The following CEP250 variants were observed in gnomAD, a reference collection of about 807,000 sequenced individuals.
CEP250 encodes the protein centrosome-associated protein CEP250.
A neutral mutation model predicts 315.7 loss-of-function variants in CEP250; 242 were observed. That is an observed-to-expected ratio of 0.77 (90% CI 0.69 to 0.85). The LOEUF (loss-of-function observed/expected upper bound fraction) is 0.85. Ranked by LOEUF, CEP250 falls within the 40% of genes least tolerant of loss-of-function variation. The pLI, the probability that CEP250 is intolerant of heterozygous loss-of-function variation, is 0.00. For missense variants in CEP250, 2,515 were observed against 2,886.4 expected (o/e 0.87, Z 2.95); for synonymous variants, 1,088 against 1,175.0 (o/e 0.93, Z 1.51).
Position 35,510,373 on chromosome 20 carries a change from C to A in CEP250, c.7065+319C>A, listed in dbSNP as rs556169216. On this transcript the variant is annotated intron_variant, in intron 34 of 34. Coordinates refer to ENST00000397527, the MANE Select transcript of CEP250 (RefSeq NM_007186.6). ...CTGGCCTCCCTGCCCTCAGAGGTGCCCTCGCAGCCAAGACTGTTGCCAGTG... is the reference window on the plus strand; with the variant it reads ...CTGGCCTCCCTGCCCTCAGAGGTGCACTCGCAGCCAAGACTGTTGCCAGTG... Among the ~76,000 whole-genome samples the A allele has an allele frequency of 6.6e-5, 10 of 152,288 alleles. No individual in the cohort carries two copies. In the East Asian group the frequency reaches 1.9e-3, roughly 29 times the overall value.
chr20:35,485,625 G>T lies in CEP250; in HGVS notation c.2587-5012G>T, dbSNP rs376218046. Among the ~76,000 whole-genome samples, 141 of 134,596 alleles carry T rather than the reference G, an allele frequency of 1.0e-3. 2 individuals carry two copies. In the South Asian group the frequency reaches 0.035, roughly 33 times the overall value. The allele number at this position is 134,596 out of a possible 152,430, so 88.3% of individuals were successfully genotyped here. A position where few individuals can be genotyped will look rare whatever the true frequency, so the allele number is the denominator to read the frequency against. ...CCTGCCTCAGCCTCCTAAGTAGCTAGGACTACAGCGTCTGCCTGGCTTTTT... is the reference window on the plus strand; with the variant it reads ...CCTGCCTCAGCCTCCTAAGTAGCTATGACTACAGCGTCTGCCTGGCTTTTT... On this transcript the variant is annotated intron_variant, in intron 20 of 34. Coordinates refer to ENST00000397527, the MANE Select transcript of CEP250 (RefSeq NM_007186.6).
At chr20:35,490,973 C>G (rs565930656) in intron 21 of CEP250, 169 bp downstream of exon 21, 3 of 825,042 alleles carry the variant, frequency 3.6e-6, no homozygotes, top group African/African-American at 1.7e-5. Context: ...AGCCACAGTT[C>G]CGGCAGTATG....
At chr20:35,478,920 C>T (rs899688329) in intron 17 of CEP250, among the ~76,000 whole-genome samples, 2 of 152,134 alleles carry the variant, frequency 1.3e-5, no homozygotes, top group Non-Finnish European at 2.9e-5. Context: ...TCACAGAGTC[C>T]CTTTCTCGGG....
rs375669322 is a variant in CEP250, at chr20:35,508,198, C to A, written c.6906+8C>A. 4 of 1,613,482 alleles carry A rather than the reference C, an allele frequency of 2.5e-6. No individual in the cohort carries two copies. In the Admixed American group the frequency reaches 6.7e-5, roughly 27 times the overall value. On this transcript the variant is annotated splice_region_variant and intron_variant, in intron 32 of 34. Coordinates refer to ENST00000397527, the MANE Select transcript of CEP250 (RefSeq NM_007186.6). Reference sequence around the variant, plus strand: ...CGGAGTACCTTGGAGCAGGTGACCCCTCTTCTTGTCCAGTGGGCATGCATC... The same window carrying A: ...CGGAGTACCTTGGAGCAGGTGACCCATCTTCTTGTCCAGTGGGCATGCATC...
At chr20:35,502,019 G>A in intron 29 of CEP250, 53 bp downstream of exon 29, 2 of 1,570,702 alleles carry the variant, frequency 1.3e-6, no homozygotes, top group Admixed American at 1.8e-5. Flanking sequence ...AGTCCCTTGG[G>A]CCCACCTTGG....
At chr20:35,493,771 CTCTT>C (rs1490534360) in intron 23 of CEP250, among the ~76,000 whole-genome samples, 199 bp downstream of exon 23, 1 of 152,172 alleles carries the variant, frequency 6.6e-6, no homozygotes, top group Non-Finnish European at 1.5e-5. Context: ...GGATAGTAAT[CTCTT>C]TCTCTGTAAT....
chr20:35,493,701 CAGTACTG>C (rs1431100981), intron 23 of CEP250, 129 bp downstream of exon 23: 1 of 755,034 alleles, frequency 1.3e-6, no homozygotes, highest in Non-Finnish European at 2.0e-6. Flanking sequence ...GGGTGGGCCA[CAGTACTG>C]AGTGGAAAAT....
intron 10 of CEP250, among the ~76,000 whole-genome samples, chr20:35,470,560 A>G (rs952743339): frequency 2.0e-5 from 3 of 152,226 alleles, no homozygotes; most frequent in Middle Eastern, 3.4e-3. Flanking sequence ...GACCGGCCTG[A>G]CCAACATGCA....
chr20:35,479,576 C>T (rs144101469), intron 18 of CEP250, 70 bp from the exon 19 acceptor site: 4 of 1,585,362 alleles, frequency 2.5e-6, no homozygotes, highest in Middle Eastern at 2.0e-4. Flanking sequence ...ATACTTAGAA[C>T]CCAGCTCCTC....
intron 30 of CEP250, among the ~76,000 whole-genome samples, chr20:35,505,601 CGA>C: frequency 6.9e-6 from 1 of 144,726 alleles, no homozygotes; most frequent in South Asian, 2.1e-4. Flanking sequence ...TGCAGTGAGC[CGA>C]GATCGCACCA....
chr20:35,499,285 C>T (rs571046010), intron 27 of CEP250, among the ~76,000 whole-genome samples: 29 of 152,060 alleles, frequency 1.9e-4, no homozygotes, highest in Non-Finnish European at 3.8e-4. Context: ...CAAACAAACA[C>T]AAAAAAACCC....
intron 24 of CEP250, among the ~76,000 whole-genome samples, chr20:35,496,291 C>T (rs1460456731): frequency 3.3e-5 from 5 of 151,822 alleles, no homozygotes; most frequent in South Asian, 2.1e-4. Flanking sequence ...GAGCCGAGAT[C>T]GTGCCACTGT....
Position 35,476,490 on chromosome 20 carries a change from C to T in CEP250, c.1758C>T (p.Thr586=), listed in dbSNP as rs2063177658. 2 of 1,613,968 alleles carry T rather than the reference C, an allele frequency of 1.2e-6. No individual in the cohort carries two copies. The highest frequency in any genetic ancestry group is 1.7e-6 in the Non-Finnish European group (2 of 1,179,890). The part of the protein sequence containing the change: ...SIAELSSSEN[T]LKTEVADLRA... The stretch of plus-strand genomic sequence containing the variant: ...CAGAGCTGTCGAGTTCTGAAAACAC[C>T]CTGAAGACAGAAGTAGCTGATCTTC... Residue 586 remains threonine, a synonymous_variant, in exon 16 of 35, where the codon ACC becomes ACT. Coordinates refer to ENST00000397527, the MANE Select transcript of CEP250 (RefSeq NM_007186.6).
rs534828286 is a variant in CEP250 at position 35,472,169 on chromosome 20, G to C, written c.1050+18G>C. On this transcript the variant is annotated intron_variant, in intron 11 of 34. Coordinates refer to ENST00000397527, the MANE Select transcript of CEP250 (RefSeq NM_007186.6). ...TAACCCAGGTACTGGGAAGCCTCCT[G>C]TTCATGGTAACCAGGTTATGCCTCC... 3 of 1,473,054 alleles carry C rather than the reference G, an allele frequency of 2.0e-6. No homozygotes were observed. Among genetic ancestry groups the C allele is most frequent in the Non-Finnish European group, 2.9e-6 (3 of 1,051,534 alleles). The allele number at this position is 1,473,054 out of a possible 1,614,324, so 91.2% of individuals were successfully genotyped here.
intron 1 of CEP250, among the ~76,000 whole-genome samples, chr20:35,457,763 C>G (rs2062663998): frequency 6.6e-6 from 1 of 152,142 alleles, no homozygotes; most frequent in Admixed American, 6.5e-5. Flanking sequence ...CATGCCAGTG[C>G]ACTACAGCCT....
intron 26 of CEP250, 48 bp from the exon 27 acceptor site, chr20:35,498,547 T>C: frequency 2.5e-6 from 4 of 1,598,230 alleles, no homozygotes; most frequent in Middle Eastern, 2.0e-4. Flanking sequence ...TCTGGCTGTT[T>C]CTTTTCATAG....
chr20:35,475,654 G>T lies in CEP250; in HGVS notation c.1716+8G>T, dbSNP rs771799234. The T allele has an allele frequency of 7.4e-6, 12 of 1,612,594 alleles. No homozygotes were observed. In the South Asian group the frequency reaches 1.2e-4, roughly 16 times the overall value. ...ACCGCAGCGCTGGCTAGGGTGCGTGGCCTCCTCTCCTCACTTGCTGGGTGG... is the reference window on the plus strand; with the variant it reads ...ACCGCAGCGCTGGCTAGGGTGCGTGTCCTCCTCTCCTCACTTGCTGGGTGG... On this transcript the variant is annotated splice_region_variant and intron_variant, in intron 15 of 34. Transcript: ENST00000397527.
chr20:35,478,801 CAG>C (rs1277595789), intron 17 of CEP250, among the ~76,000 whole-genome samples: 4 of 152,190 alleles, frequency 2.6e-5, no homozygotes, highest in Admixed American at 1.3e-4. Context: ...TACCACATAA[CAG>C]GGGCCAAGTA....
Position 35,473,380 on chromosome 20 carries a change from AG to A in CEP250, c.1218del (p.Arg406SerfsTer11), listed in dbSNP as rs1383445882. ...TCTTGCTCTCTCTCCACAGGACCTA[AG>A]GCAGCAGCTTGCAGGCTGTCAAGAG... ...TRRRQAVQDL[R>X]QQLAGCQEAV... is the part of the protein sequence containing the mutation. On this transcript the variant is annotated frameshift_variant, in exon 13 of 35. Transcript: ENST00000397527. LOFTEE classifies it high-confidence loss of function. 6.2e-7 allele frequency: 1 copy of A among 1,612,914 alleles called. No homozygotes were observed. Among genetic ancestry groups the A allele is most frequent in the Admixed American group, 1.7e-5 (1 of 59,972 alleles).
Sources: gnomAD v4.1 joint callset for allele counts (sites outside exome capture counted in the v4.1 genomes callset) on GRCh38, gnomAD v4.1.1 for gene constraint, MANE v1.5 for transcripts, NCBI Gene and HGNC (gene_info 2026-07-23, HGNC 2026-07-21) for gene names.